The following CTNNA3 variants were observed in gnomAD, a reference collection of about 807,000 sequenced individuals.
CTNNA3 encodes catenin alpha 3, also known as catenin alpha-3.
CTNNA3 carries 76 observed loss-of-function variants against 95.7 expected under a neutral mutation model. The ratio of observed to expected loss-of-function variants is 0.79; its 90% confidence interval spans 0.66 to 0.96. CTNNA3 has a LOEUF of 0.96. Ranked by LOEUF, CTNNA3 falls within the 40% of genes least tolerant of loss-of-function variation. The pLI, the probability that CTNNA3 is intolerant of heterozygous loss-of-function variation, is 0.00. For missense variants in CTNNA3, 1,191 were observed against 1,089.8 expected (o/e 1.09, Z -1.31); for synonymous variants, 431 against 374.4 (o/e 1.15, Z -1.74).
At chr10:66,337,758 A>G (rs1170164641) in intron 12 of CTNNA3, among the ~76,000 whole-genome samples, 2 of 152,146 alleles carry the variant, frequency 1.3e-5, no homozygotes, top group African/African-American at 4.8e-5. Context: ...ATAAATATGA[A>G]CAAGAATGTA....
chr10:66,322,470 T>C (rs1227094436), intron 12 of CTNNA3, among the ~76,000 whole-genome samples: 2 of 151,818 alleles, frequency 1.3e-5, no homozygotes, highest in Non-Finnish European at 1.5e-5. Flanking sequence ...CAAAGTTCAG[T>C]TGGAGGAGGT....
chr10:67,266,301 T>C (rs1388396279), intron 5 of CTNNA3, among the ~76,000 whole-genome samples: 2 of 152,072 alleles, frequency 1.3e-5, no homozygotes, highest in Non-Finnish European at 2.9e-5. Flanking sequence ...AAAAAAAATA[T>C]ATATGTTCTA....
At chr10:66,148,221 T>A (rs188457318) in intron 13 of CTNNA3, among the ~76,000 whole-genome samples, 1 of 152,218 alleles carries the variant, frequency 6.6e-6, no homozygotes, top group East Asian at 1.9e-4. Flanking sequence ...TTCTTGTCAA[T>A]TTTTTGTTCT....
chr10:67,280,165 C>A (rs1383738682), intron 5 of CTNNA3, among the ~76,000 whole-genome samples: 1 of 150,212 alleles, frequency 6.7e-6, no homozygotes, highest in Non-Finnish European at 1.5e-5. Context: ...TCACTCCAAG[C>A]ACAGAGTGGA....
intron 5 of CTNNA3, among the ~76,000 whole-genome samples, chr10:67,468,018 T>C (rs1183617653): frequency 1.3e-5 from 2 of 151,874 alleles, no homozygotes; most frequent in Admixed American, 1.3e-4. Context: ...GCCTCCAACT[T>C]TCTTTTTTTT....
chr10:66,670,146 A>C (rs1413715266), intron 9 of CTNNA3, among the ~76,000 whole-genome samples: 1 of 152,070 alleles, frequency 6.6e-6, no homozygotes, highest in Admixed American at 6.5e-5. Context: ...TATGTCCACT[A>C]TGGGGGGGAT....
intron 5 of CTNNA3, among the ~76,000 whole-genome samples, chr10:67,498,971 G>A (rs1364934729): frequency 6.6e-6 from 1 of 152,154 alleles, no homozygotes; most frequent in East Asian, 1.9e-4. Flanking sequence ...CCAATACTCT[G>A]TTGAATAGGA....
chr10:67,532,966 T>C (rs1434699992), intron 4 of CTNNA3, among the ~76,000 whole-genome samples: 3 of 152,120 alleles, frequency 2.0e-5, no homozygotes, highest in Non-Finnish European at 2.9e-5. Context: ...TCCCACGATG[T>C]CCTGACCCAG....
At chr10:66,956,230 T>C (rs1916389) in intron 7 of CTNNA3, among the ~76,000 whole-genome samples, 25,387 of 150,816 alleles carry the variant, frequency 0.17, 2,261 homozygotes, top group Middle Eastern at 0.19. Context: ...GTGGCTGTCT[T>C]GTGCAAATCT....
chr10:66,010,173 T>A (rs1184488828), intron 15 of CTNNA3, among the ~76,000 whole-genome samples: 1 of 152,194 alleles, frequency 6.6e-6, no homozygotes, highest in African/African-American at 2.4e-5. Flanking sequence ...TTAGCATGCA[T>A]CTACTTTCAA....
chr10:67,036,215 T>C (rs1854043374), intron 7 of CTNNA3, among the ~76,000 whole-genome samples: 8 of 152,056 alleles, frequency 5.3e-5, no homozygotes, highest in Admixed American at 5.2e-4. Context: ...TACAGTGGCA[T>C]GACCATGGCT....
intron 9 of CTNNA3, among the ~76,000 whole-genome samples, chr10:66,669,227 G>A (rs1300441403): frequency 6.6e-6 from 1 of 152,172 alleles, no homozygotes. Flanking sequence ...TAAGTTGTGT[G>A]TCATAGCAGA....
chr10:67,624,850 G>A (rs1589503194), intron 2 of CTNNA3, among the ~76,000 whole-genome samples: 2 of 152,182 alleles, frequency 1.3e-5, no homozygotes, highest in Admixed American at 1.3e-4. Flanking sequence ...AGATTAATGG[G>A]AGAAAAGCAT....
intron 9 of CTNNA3, among the ~76,000 whole-genome samples, chr10:66,713,887 A>C (rs1179434549): frequency 6.6e-6 from 1 of 152,122 alleles, no homozygotes. Context: ...TCATTCAAAC[A>C]TTAAGGGTGA....
chr10:66,279,831 T>C (rs1021089365), intron 13 of CTNNA3, among the ~76,000 whole-genome samples: 1 of 152,072 alleles, frequency 6.6e-6, no homozygotes, highest in Non-Finnish European at 1.5e-5. Flanking sequence ...CATTTTTTGG[T>C]AACATTTAAA....
chr10:66,159,276 A>G (rs1236301096), intron 13 of CTNNA3, among the ~76,000 whole-genome samples: 2 of 152,046 alleles, frequency 1.3e-5, no homozygotes, highest in Non-Finnish European at 2.9e-5. Context: ...CCCATTCAGT[A>G]TAATGTTGGC....
rs1564608372 is a variant in CTNNA3 at position 67,375,906 on chromosome 10, G to A, written c.579+145936C>T. On this transcript the variant is annotated intron_variant, in intron 5 of 17. Coordinates refer to ENST00000433211, the MANE Select transcript of CTNNA3 (RefSeq NM_013266.4). ...ATGATATTAGAAGGTGGGACCTTTT[G>A]GGAGGTGATTAGTTCAGGAAGGCGG... Among the ~76,000 whole-genome samples the A allele has an allele frequency of 2.0e-5, 3 of 152,270 alleles. No homozygotes were observed. The East Asian group carries it at 5.8e-4, about 29-fold the overall frequency.
intron 17 of CTNNA3, among the ~76,000 whole-genome samples, chr10:65,932,247 T>C (rs1009515354): frequency 3.9e-5 from 6 of 152,192 alleles, no homozygotes; most frequent in Non-Finnish European, 8.8e-5. Flanking sequence ...TCCAGATTAA[T>C]GATATAGCAG....
intron 1 of CTNNA3, among the ~76,000 whole-genome samples, chr10:67,659,008 AC>A (rs1840104382): frequency 6.6e-6 from 1 of 152,222 alleles, no homozygotes; most frequent in South Asian, 2.1e-4. Flanking sequence ...AAAGATTCAA[AC>A]AAAATTAATT....
Sources: allele counts gnomAD v4.1 joint callset (sites outside exome capture counted in the v4.1 genomes callset), GRCh38; gene constraint gnomAD v4.1.1; transcripts MANE v1.5; gene names NCBI Gene and HGNC (gene_info 2026-07-23, HGNC 2026-07-21).